ATAD2: variants seen among roughly 807,000 people sequenced by gnomAD.
ATAD2 encodes ATPase family AAA domain containing 2, also known as ATPase family AAA domain-containing protein 2.
ATAD2 carries 62 observed loss-of-function variants against 168.9 expected under a neutral mutation model. The ratio of observed to expected loss-of-function variants is 0.37; its 90% confidence interval spans 0.30 to 0.45. The LOEUF is 0.45. ATAD2 is among the 20% of genes least tolerant of loss of function. ATAD2 has a pLI of 1.00. For missense variants in ATAD2, 1,419 were observed against 1,667.8 expected (o/e 0.85, Z 2.60); for synonymous variants, 613 against 571.6 (o/e 1.07, Z -1.03).
intron 8 of ATAD2, among the ~76,000 whole-genome samples, chr8:123,366,713 A>G (rs1444576355): frequency 6.6e-6 from 1 of 152,194 alleles, no homozygotes; most frequent in African/African-American, 2.4e-5. Context: ...GAATGACACA[A>G]TGAACTGTGG....
chr8:123,357,657 C>T lies in ATAD2; in HGVS notation c.1462G>A (p.Asp488Asn). 3 of 1,614,078 alleles carry T rather than the reference C, an allele frequency of 1.9e-6. No individual in the cohort carries two copies. Among genetic ancestry groups the T allele is most frequent in the Non-Finnish European group, 2.5e-6 (3 of 1,179,984 alleles). The change falls in exon 12 of 28, where the codon GAT becomes AAT. Residue 488 changes from aspartate to asparagine, a missense_variant. Physicochemically the swap from Asp to Asn is conservative, Grantham distance 23. Around this residue, in one of 5 missense-constraint regions of ATAD2, gnomAD observed 146 missense variants for 188.3 expected, o/e 0.78. Coordinates refer to ENST00000287394, the MANE Select transcript of ATAD2 (RefSeq NM_014109.4). Reference protein sequence around the residue: ...RALANECSQGDKRVAFFMRKG... With the variant: ...RALANECSQGNKRVAFFMRKG... ...CTCATGAAAAATGCTACTCTTTTAT[C>T]CCCTTGACTGCACTCATTGGCAAGT...
chr8:123,369,926 C>T lies in ATAD2; in HGVS notation c.826G>A (p.Asp276Asn). Residue 276 changes from aspartate (D) to asparagine (N), a missense_variant, in exon 7 of 28, where the codon GAT becomes AAT. Asp to Asn is a conservative substitution (Grantham distance 23). This residue lies in a region of ATAD2 where 419 missense variants were observed against 423.5 expected (regional missense o/e 0.99). Coordinates refer to ENST00000287394, the MANE Select transcript of ATAD2 (RefSeq NM_014109.4). The stretch of plus-strand genomic sequence containing the variant: ...TCTTCATCTTCATCATCTTCATCAT[C>T]ATCATCATCATCATCATCGTCATCA... ...DDDDDDDDDD[D>N]DEDDEDEEDG... 6.4e-7 allele frequency: 1 copy of T among 1,566,300 alleles called. No individual in the cohort carries two copies. The highest frequency in any genetic ancestry group is 8.8e-7 in the Non-Finnish European group (1 of 1,141,708).
At chr8:123,347,887 TA>T (rs1298574184) in intron 15 of ATAD2, 1 of 309,416 alleles carries the variant, frequency 3.2e-6, no homozygotes, top group Non-Finnish European at 6.0e-6. Flanking sequence ...TATTATGATA[TA>T]ATAATATATT....
At chr8:123,336,115 G>C (rs991170291) in intron 22 of ATAD2, among the ~76,000 whole-genome samples, 2 of 152,122 alleles carry the variant, frequency 1.3e-5, no homozygotes, top group Non-Finnish European at 2.9e-5. Flanking sequence ...GATCTATCAT[G>C]TAATTGTTAA....
At chr8:123,345,975 C>T in intron 18 of ATAD2, 111 bp downstream of exon 18, 1 of 873,824 alleles carries the variant, frequency 1.1e-6, no homozygotes, top group Admixed American at 3.1e-5. Flanking sequence ...TTTTGTAAAC[C>T]TAAAGTTACA....
chr8:123,415,854 A>G (rs1813259817), intron 1 of ATAD2, among the ~76,000 whole-genome samples: 1 of 152,160 alleles, frequency 6.6e-6, no homozygotes, highest in Non-Finnish European at 1.5e-5. Flanking sequence ...CGGTCTCCCA[A>G]AGTGCTGGGA....
chr8:123,362,035 G>A (rs1828841650), intron 8 of ATAD2, among the ~76,000 whole-genome samples: 1 of 152,186 alleles, frequency 6.6e-6, no homozygotes, highest in African/African-American at 2.4e-5. Flanking sequence ...GACCGAGGGG[G>A]AAGGATCACT....
rs530240300 is a variant in ATAD2 at position 123,394,595 on chromosome 8, A to G, written c.171+1592T>C. On this transcript the variant is annotated intron_variant, in intron 1 of 27. Coordinates refer to ENST00000287394, the MANE Select transcript of ATAD2 (RefSeq NM_014109.4). Reference sequence around the variant, plus strand: ...GGTTGCGGTGAGCCGAGATCACACCAGTGCACTCCAGCCTGGATGAGAGAG... The same window carrying G: ...GGTTGCGGTGAGCCGAGATCACACCGGTGCACTCCAGCCTGGATGAGAGAG... Among the ~76,000 whole-genome samples, 4 of 152,238 alleles carry G rather than the reference A, an allele frequency of 2.6e-5. No individual in the cohort carries two copies. In the East Asian group the frequency reaches 7.7e-4, roughly 29 times the overall value.
rs1292064230 is a variant in ATAD2 at position 123,402,008 on chromosome 8, A to T, written c.-2281-833T>A. The stretch of plus-strand genomic sequence containing the variant: ...CCGCAGCCTGTCTGTCCTTTGGTCC[A>T]TGATGTACTCAGGAGAGCTCAAGTT... On this transcript the variant is annotated intron_variant, in intron 1 of 28. Transcript: ENST00000521903. This position sits in a 1 kb window ranked among gnomAD's most constrained non-coding sequence, Gnocchi z 4.8. 44 of 1,442,752 alleles carry T rather than the reference A, an allele frequency of 3.0e-5. No individual in the cohort carries two copies. Among genetic ancestry groups the T allele is most frequent in the Admixed American group, 1.0e-4 (6 of 59,472 alleles). 89.4% of individuals were successfully genotyped at this position (1,442,752 alleles called of 1,614,324 possible). A position where few individuals can be genotyped will look rare whatever the true frequency, so the allele number is the denominator to read the frequency against.
At chr8:123,392,846 T>C (rs1812645375) in intron 1 of ATAD2, among the ~76,000 whole-genome samples, 1 of 151,958 alleles carries the variant, frequency 6.6e-6, no homozygotes, top group African/African-American at 2.4e-5. Context: ...AGATAGGGAG[T>C]CTCAAGAGGG....
At chr8:123,394,485 C>A (rs1563867418) in intron 1 of ATAD2, among the ~76,000 whole-genome samples, 1 of 151,764 alleles carries the variant, frequency 6.6e-6, no homozygotes, top group African/African-American at 2.4e-5. Context: ...AAAAATTAGC[C>A]CAGCGTGGTG....
At chr8:123,362,242 A>G (rs1828847690) in intron 8 of ATAD2, among the ~76,000 whole-genome samples, 1 of 151,274 alleles carries the variant, frequency 6.6e-6, no homozygotes, top group African/African-American at 2.4e-5. Flanking sequence ...GTAGTGAGCC[A>G]TGATTGCACC....
At chr8:123,386,627 C>T (rs1420710972) in intron 1 of ATAD2, among the ~76,000 whole-genome samples, 1 of 151,966 alleles carries the variant, frequency 6.6e-6, no homozygotes, top group African/African-American at 2.4e-5. Context: ...ACTTAATGAA[C>T]TGTAAGCTTA....
At chr8:123,332,328 T>C (rs1827797045) in intron 24 of ATAD2, among the ~76,000 whole-genome samples, 1 of 152,006 alleles carries the variant, frequency 6.6e-6, no homozygotes, top group African/African-American at 2.4e-5. Flanking sequence ...GAAATGAATA[T>C]CCACCAACAG....
rs367730823 is a variant in ATAD2, at chr8:123,345,097, A to C, written c.2533-28T>G. On this transcript the variant is annotated intron_variant, in intron 18 of 27. Transcript: ENST00000287394. Reference sequence around the variant, plus strand: ...AGTAGAGAGAGAACAAAACAAATTCAGTTAGAGTCAGCACGTTAATAATGC... The same window carrying C: ...AGTAGAGAGAGAACAAAACAAATTCCGTTAGAGTCAGCACGTTAATAATGC... 51 of 1,555,912 alleles carry C rather than the reference A, an allele frequency of 3.3e-5. No homozygotes were observed. In the African/African-American group the frequency reaches 6.0e-4, roughly 18 times the overall value.
At chr8:123,361,941 A>C (rs1234656908) in intron 8 of ATAD2, among the ~76,000 whole-genome samples, 1 of 152,174 alleles carries the variant, frequency 6.6e-6, no homozygotes, top group African/African-American at 2.4e-5. Context: ...AGTTATTCTC[A>C]AAGAGAAAGG....
intron 8 of ATAD2, among the ~76,000 whole-genome samples, chr8:123,364,049 T>G (rs1828895937): frequency 6.6e-6 from 1 of 152,188 alleles, no homozygotes; most frequent in Non-Finnish European, 1.5e-5. Flanking sequence ...TTTCTGACAT[T>G]TGATTTGCAA....
chr8:123,347,029 T>C (rs142918119), intron 16 of ATAD2, 63 bp downstream of exon 16: 22,146 of 1,438,282 alleles, frequency 0.015, 234 homozygotes, highest in Non-Finnish European at 0.018. Context: ...TTCTGGTATG[T>C]ATGAAACATT....
chr8:123,398,375 C>T (rs1048683050), upstream of ATAD2, among the ~76,000 whole-genome samples: 8 of 151,656 alleles, frequency 5.3e-5, no homozygotes, highest in Admixed American at 2.0e-4. Context: ...GTATTACAGG[C>T]GTGCACCACC....
Sources: allele counts gnomAD v4.1 joint callset (sites outside exome capture counted in the v4.1 genomes callset), GRCh38; gene constraint gnomAD v4.1.1; regional missense constraint gnomAD v4.1.1; non-coding constraint Gnocchi (gnomAD v3.1); transcripts MANE v1.5; gene names NCBI Gene and HGNC (gene_info 2026-07-23, HGNC 2026-07-21).